The following TEAD1 variants were observed in gnomAD, a reference collection of about 807,000 sequenced individuals.
TEAD1 encodes the protein transcriptional enhancer factor TEF-1.
Under a neutral mutation model 54.9 loss-of-function variants are expected in TEAD1, and 9 were observed. The ratio of observed to expected loss-of-function variants is 0.16; its 90% CI spans 0.10 to 0.29. The LOEUF (loss-of-function observed/expected upper bound fraction) is 0.29. Ranked by LOEUF, TEAD1 falls within the 10% of genes least tolerant of loss-of-function variation. The pLI is 1.00. For synonymous variants in TEAD1, 200 were observed against 187.8 expected (o/e 1.07, Z -0.53); for missense variants, 387 against 535.9 (o/e 0.72, Z 2.74).
intron 12 of TEAD1, among the ~76,000 whole-genome samples, chr11:12,931,998 G>A (rs536326230): frequency 3.3e-5 from 5 of 152,290 alleles, no homozygotes; most frequent in South Asian, 2.1e-4. Flanking sequence ...GAAATGAGCC[G>A]CAAGGACTCT....
intron 2 of TEAD1, among the ~76,000 whole-genome samples, chr11:12,712,141 CATGGAGT>C (rs1253563853): frequency 6.6e-6 from 1 of 152,196 alleles, no homozygotes; most frequent in Non-Finnish European, 1.5e-5. Flanking sequence ...AGTATTTCTT[CATGGAGT>C]CACCCTTGTC....
Position 12,930,202 on chromosome 11 carries a change from G to A in TEAD1, c.1043G>A (p.Arg348Gln), listed in dbSNP as rs1194863270. Reference sequence around the variant, plus strand: ...GAGTATGCAAGGTTTGAGAATGGCCGATTTGTATACCGAATAAACCGCTCC... The same window carrying A: ...GAGTATGCAAGGTTTGAGAATGGCCAATTTGTATACCGAATAAACCGCTCC... Residue 348 changes from arginine to glutamine, a missense_variant, in exon 12 of 13, where the codon CGA becomes CAA. By Grantham distance (43) the Arg-to-Gln change is conservative (BLOSUM62 1). Around this residue, in one of 5 missense-constraint regions of TEAD1, gnomAD observed 123 missense variants for 199.0 expected, o/e 0.62. Transcript: ENST00000527636. 13 of 1,614,060 alleles carry A rather than the reference G, an allele frequency of 8.1e-6. No homozygotes were observed. Among genetic ancestry groups the A allele is most frequent in the East Asian group, 2.2e-5 (1 of 44,898 alleles).
chr11:12,691,008 C>T (rs577458778), intron 2 of TEAD1, among the ~76,000 whole-genome samples: 2 of 152,196 alleles, frequency 1.3e-5, no homozygotes, highest in East Asian at 3.8e-4. Context: ...ACCTCGGCTT[C>T]CCAAATTGCT....
At position 12,874,984 on chromosome 11, in the gene TEAD1, A is replaced by T. The variant is rs559824473; in HGVS notation, c.331-4724A>T. ...CATTTTTCTAGGATGCAATTTTCTT[A>T]TTCTTGCTCATATGCACACGCACGC... On this transcript the variant is annotated intron_variant, in intron 5 of 12. Transcript: ENST00000527636. Among the ~76,000 whole-genome samples the T allele has an allele frequency of 7.2e-5, 11 of 152,296 alleles. No individual in the cohort carries two copies. The South Asian group carries it at 2.3e-3, about 32-fold the overall frequency.
chr11:12,849,692 G>C (rs770584114), intron 3 of TEAD1, among the ~76,000 whole-genome samples: 1 of 152,192 alleles, frequency 6.6e-6, no homozygotes, highest in Non-Finnish European at 1.5e-5. Flanking sequence ...CGTCCAGTGA[G>C]GGACATGCTG....
intron 10 of TEAD1, 88 bp downstream of exon 10, chr11:12,902,201 G>A: frequency 6.5e-7 from 1 of 1,539,918 alleles, no homozygotes; most frequent in Non-Finnish European, 9.0e-7. Flanking sequence ...GCTGGCTTTG[G>A]ATTTACACTG....
At chr11:12,749,542 A>C (rs1189959925) in intron 2 of TEAD1, among the ~76,000 whole-genome samples, 1 of 152,154 alleles carries the variant, frequency 6.6e-6, no homozygotes, top group East Asian at 1.9e-4. Flanking sequence ...GGGGTTTGTC[A>C]GAGGGGAGGG....
chr11:12,763,207 A>G (rs1483262808), intron 2 of TEAD1, among the ~76,000 whole-genome samples: 3 of 152,226 alleles, frequency 2.0e-5, no homozygotes, highest in Non-Finnish European at 4.4e-5. Flanking sequence ...TATATACATA[A>G]TTTAAGGGGA....
At chr11:12,828,678 A>AC (rs1946707390) in intron 3 of TEAD1, among the ~76,000 whole-genome samples, 1 of 140,908 alleles carries the variant, frequency 7.1e-6, no homozygotes, top group East Asian at 2.0e-4. Flanking sequence ...TAACTGAGTG[A>AC]TTTTTTTTTT....
Position 12,941,921 on chromosome 11 carries a change from C to G in TEAD1, c.*4699C>G, listed in dbSNP as rs1484519927. 1 of 152,548 alleles carries G rather than the reference C, an allele frequency of 6.6e-6. No individual in the cohort carries two copies. The highest frequency in any genetic ancestry group is 1.5e-5 in the Non-Finnish European group (1 of 68,016). 9.4% of individuals were successfully genotyped at this position (152,548 alleles called of 1,614,324 possible). On this transcript the variant is annotated 3_prime_UTR_variant, in exon 13 of 13. Transcript: ENST00000527636. ...TCATGCCGCCAGCCTTTTCTTACAC[C>G]AATTCCTAATGTTCATTTACGAATT...
intron 2 of TEAD1, among the ~76,000 whole-genome samples, chr11:12,699,692 T>A (rs1943655836): frequency 6.6e-6 from 1 of 152,240 alleles, no homozygotes. Context: ...TATTTACCAG[T>A]GTAATTGCTC....
rs1273724936 is a variant in TEAD1, at chr11:12,835,449, A to G, written c.203-26801A>G. 2.0e-5 allele frequency among the ~76,000 whole-genome samples: 3 copies of G among 150,636 alleles called. No homozygotes were observed. In the East Asian group the frequency reaches 5.8e-4, roughly 29 times the overall value. On this transcript the variant is annotated intron_variant, in intron 3 of 12. Coordinates refer to ENST00000527636, the MANE Select transcript of TEAD1 (RefSeq NM_021961.6). ...TTCAGCCTCCCAAGTAGGTGGAATT[A>G]TAGGCTCGTGCCAGCACACCCGGCT...
chr11:12,783,376 G>A (rs1945605390), intron 3 of TEAD1, among the ~76,000 whole-genome samples: 1 of 152,122 alleles, frequency 6.6e-6, no homozygotes, highest in African/African-American at 2.4e-5. Flanking sequence ...AAGCTTTGCA[G>A]TTGGCGCTGT....
intron 10 of TEAD1, among the ~76,000 whole-genome samples, chr11:12,920,399 AAAC>A (rs1589990516): frequency 6.6e-6 from 1 of 152,198 alleles, no homozygotes; most frequent in Non-Finnish European, 1.5e-5. Context: ...CAGTTTTTAA[AAAC>A]AATCTATTTA....
chr11:12,896,362 G>C (rs918784142), intron 9 of TEAD1, among the ~76,000 whole-genome samples: 5 of 152,056 alleles, frequency 3.3e-5, no homozygotes, highest in Admixed American at 3.3e-4. Flanking sequence ...TTCTATGTTA[G>C]GCCCCATCTC....
chr11:12,715,627 G>A (rs1944043426), intron 2 of TEAD1, among the ~76,000 whole-genome samples: 2 of 152,090 alleles, frequency 1.3e-5, no homozygotes, highest in African/African-American at 2.4e-5. Flanking sequence ...GACCTACCTT[G>A]CAGGGGCTTT....
intron 3 of TEAD1, among the ~76,000 whole-genome samples, chr11:12,776,895 A>G (rs553730180): frequency 6.6e-6 from 1 of 151,716 alleles, no homozygotes. Flanking sequence ...CCCGGGTTCA[A>G]GTGATTCTCC....
intron 3 of TEAD1, among the ~76,000 whole-genome samples, chr11:12,806,086 T>C (rs1179564284): frequency 6.6e-6 from 1 of 152,178 alleles, no homozygotes; most frequent in Admixed American, 6.5e-5. Flanking sequence ...GCTCATGTAC[T>C]CTATGTTGAA....
At chr11:12,716,568 C>T (rs1944067635) in intron 2 of TEAD1, among the ~76,000 whole-genome samples, 1 of 152,176 alleles carries the variant, frequency 6.6e-6, no homozygotes, top group South Asian at 2.1e-4. Context: ...TGGTATAGGT[C>T]AGATAGCAAA....
Sources: gnomAD v4.1 joint callset for allele counts (sites outside exome capture counted in the v4.1 genomes callset) on GRCh38, gnomAD v4.1.1 for gene constraint, gnomAD v4.1.1 regional missense constraint, MANE v1.5 for transcripts, NCBI Gene and HGNC (gene_info 2026-07-23, HGNC 2026-07-21) for gene names.